TUB: variants seen among roughly 807,000 people sequenced by gnomAD.
TUB encodes the protein TUB bipartite transcription factor.
In TUB, 33 loss-of-function variants were observed where a neutral mutation model predicts 59.7. That is an observed-to-expected ratio of 0.55 (90% CI 0.42 to 0.74). The LOEUF (loss-of-function observed/expected upper bound fraction) is 0.74, where lower values mean the gene tolerates loss of function less well. TUB is among the 30% of genes least tolerant of loss of function. The pLI is 0.00. For synonymous variants in TUB, 293 were observed against 256.4 expected, an observed-to-expected ratio of 1.14 and a Z score of -1.36; for missense variants, 659 against 672.0, an observed-to-expected ratio of 0.98 and a Z score of 0.21.
Position 8,038,775 on chromosome 11 carries a change from A to G in TUB, c.-99A>G, listed in dbSNP as rs948297954. 3.3e-5 allele frequency: 50 copies of G among 1,523,188 alleles called. No homozygotes were observed. In the East Asian group the frequency reaches 1.1e-3, roughly 33 times the overall value. The allele number at this position is 1,523,188 out of a possible 1,614,324, so 94.4% of individuals were successfully genotyped here. A position where few individuals can be genotyped will look rare whatever the true frequency, so the allele number is the denominator to read the frequency against. ...AGGGAGACATCCAAGTGCTGGTTTCAGTACTGAGGCGAATACAGGGAATTT... is the reference window on the plus strand; with the variant it reads ...AGGGAGACATCCAAGTGCTGGTTTCGGTACTGAGGCGAATACAGGGAATTT... On this transcript the variant is annotated 5_prime_UTR_variant, in exon 1 of 13. Coordinates refer to the TUB transcript ENST00000305253.
chr11:8,101,790 A>AG lies in TUB; in HGVS notation c.*171_*172insG. On this transcript the variant is annotated 3_prime_UTR_variant, in exon 12 of 12. Coordinates refer to ENST00000299506, the MANE Select transcript of TUB (RefSeq NM_177972.3). ...AGGAACTGGCTCCTTTGCCTCTGCT[A>AG]CTGAGGCAGGGGAGTAGTGGAGAGC... 4.7e-5 allele frequency: 55 copies of AG among 1,182,706 alleles called. No individual in the cohort carries two copies. Among genetic ancestry groups the AG allele is most frequent in the Non-Finnish European group, 5.9e-5 (51 of 871,650 alleles). 73.3% of individuals were successfully genotyped at this position (1,182,706 alleles called of 1,614,324 possible).
chr11:8,034,895 C>T (rs533847865), upstream of TUB, among the ~76,000 whole-genome samples: 1 of 152,342 alleles, frequency 6.6e-6, no homozygotes, highest in Non-Finnish European at 1.5e-5. Context: ...TCCCCAGCAG[C>T]AATATTCATG....
intron 2 of TUB, among the ~76,000 whole-genome samples, chr11:8,065,941 C>T (rs565621576): frequency 1.3e-5 from 2 of 152,256 alleles, no homozygotes; most frequent in East Asian, 3.9e-4. Context: ...TGGTTGCAGA[C>T]ACTCCTCTTG....
intron 2 of TUB, among the ~76,000 whole-genome samples, chr11:8,057,082 G>A (rs1943031887): frequency 6.6e-6 from 1 of 152,162 alleles, no homozygotes; most frequent in African/African-American, 2.4e-5. Context: ...GCTAGGCTCT[G>A]GAGGGCTGGG....
Position 8,081,467 on chromosome 11 carries a change from C to G in TUB, c.-44C>G. ...GGGCCCCCGCGCCGGCCCCTCCGGGCCCCGGCCTCCAGAGCCGCAGCCACC... is the reference window on the plus strand; with the variant it reads ...GGGCCCCCGCGCCGGCCCCTCCGGGGCCCGGCCTCCAGAGCCGCAGCCACC... On this transcript the variant is annotated 5_prime_UTR_variant, in exon 1 of 12. Transcript: ENST00000299506. The G allele has an allele frequency of 1.4e-6, 2 of 1,436,248 alleles. No homozygotes were observed. Among genetic ancestry groups the G allele is most frequent in the South Asian group, 1.4e-5 (1 of 72,312 alleles). 89.0% of individuals were successfully genotyped at this position (1,436,248 alleles called of 1,614,324 possible).
intron 1 of TUB, chr11:8,039,056 C>G (rs1349190911): frequency 1.9e-6 from 3 of 1,607,984 alleles, no homozygotes; most frequent in African/African-American, 1.3e-5. Context: ...TGCCTTTAGC[C>G]CATGGGCCCA....
At chr11:8,065,293 C>A (rs1443008144) in intron 2 of TUB, among the ~76,000 whole-genome samples, 6 of 152,166 alleles carry the variant, frequency 3.9e-5, no homozygotes, top group African/African-American at 1.4e-4. Flanking sequence ...CTGGCCTGCT[C>A]CCCATGGGGC....
At position 8,081,307 on chromosome 11, in the gene TUB, T is replaced by TCTCGC; in HGVS notation, c.-197_-193dup. 5 of 937,546 alleles carry TCTCGC rather than the reference T, an allele frequency of 5.3e-6. No individual in the cohort carries two copies. Among genetic ancestry groups the TCTCGC allele is most frequent in the Non-Finnish European group, 6.4e-6 (5 of 786,630 alleles). 58.1% of individuals were successfully genotyped at this position (937,546 alleles called of 1,614,324 possible). A position where few individuals can be genotyped will look rare whatever the true frequency, so the allele number is the denominator to read the frequency against. On this transcript the variant is annotated 5_prime_UTR_variant, in exon 1 of 12. Coordinates refer to ENST00000299506, the MANE Select transcript of TUB (RefSeq NM_177972.3). ...CCGCGCACTCCCGGAGCTTCGCCCATCTCGCCTCGCCGCGCCGCGCAGGCA... is the reference window on the plus strand; with the variant it reads ...CCGCGCACTCCCGGAGCTTCGCCCATCTCGCCTCGCCTCGCCGCGCCGCGCAGGCA...
intron 2 of TUB, among the ~76,000 whole-genome samples, chr11:8,058,235 A>AG (rs999846589): frequency 1.1e-4 from 17 of 151,778 alleles, no homozygotes; most frequent in Admixed American, 5.3e-4. Flanking sequence ...AAAAAAAAAA[A>AG]AAGAAGCGGT....
At chr11:8,026,573 T>A (rs189598280) in intron 1 of TUB, among the ~76,000 whole-genome samples, 72 of 152,296 alleles carry the variant, frequency 4.7e-4, no homozygotes, top group Non-Finnish European at 9.0e-4. Flanking sequence ...GAAAATCAGT[T>A]GATTATTGTT....
intron 2 of TUB, among the ~76,000 whole-genome samples, chr11:8,063,178 G>C (rs1237997700): frequency 1.3e-5 from 2 of 152,194 alleles, no homozygotes; most frequent in Admixed American, 6.5e-5. Context: ...CTCCTGCATA[G>C]ACACGAGGAA....
intron 3 of TUB, 37 bp from the exon 4 acceptor site, chr11:8,094,009 G>T: frequency 6.2e-7 from 1 of 1,613,892 alleles, no homozygotes; most frequent in Non-Finnish European, 8.5e-7. Flanking sequence ...CCCACTGCCT[G>T]TTTCTCTCTC....
At chr11:8,042,412 A>C (rs1398989274) in intron 2 of TUB, among the ~76,000 whole-genome samples, 1 of 152,138 alleles carries the variant, frequency 6.6e-6, no homozygotes, top group Admixed American at 6.5e-5. Context: ...CATTTTAGCT[A>C]TTATAAATAA....
intron 1 of TUB, among the ~76,000 whole-genome samples, chr11:8,082,123 C>G (rs1414865483): frequency 2.0e-5 from 3 of 152,238 alleles, no homozygotes; most frequent in Non-Finnish European, 4.4e-5. Context: ...CCTCCTGTAT[C>G]TGGAGAATAA....
At chr11:8,031,893 G>A (rs963672662) in intron 1 of TUB, among the ~76,000 whole-genome samples, 4 of 152,178 alleles carry the variant, frequency 2.6e-5, no homozygotes, top group East Asian at 1.9e-4. Flanking sequence ...TTACTCCCCC[G>A]CCCCCCTCGG....
At chr11:8,047,902 G>A (rs1468942956) in intron 2 of TUB, among the ~76,000 whole-genome samples, 1 of 152,188 alleles carries the variant, frequency 6.6e-6, no homozygotes, top group Non-Finnish European at 1.5e-5. Flanking sequence ...TGACTGTGAT[G>A]TGCCACCATG....
intron 2 of TUB, among the ~76,000 whole-genome samples, chr11:8,045,899 C>A (rs770235668): frequency 5.9e-5 from 9 of 152,150 alleles, no homozygotes; most frequent in Non-Finnish European, 1.2e-4. Flanking sequence ...TCTGCTCGGA[C>A]TGGTGGGAAC....
At chr11:8,039,448 T>TGCCTGCCTGCCA (rs1942706760) in intron 1 of TUB, 1 of 474,942 alleles carries the variant, frequency 2.1e-6, no homozygotes. Context: ...CCTGCCTGCC[T>TGCCTGCCTGCCA]GCCATCCGGG....
intron 2 of TUB, chr11:8,060,186 G>A (rs549612335): frequency 6.6e-6 from 1 of 152,608 alleles, no homozygotes; most frequent in African/African-American, 2.4e-5. Context: ...CCATGGATAG[G>A]TGGGAAAGCC....
Sources: allele counts gnomAD v4.1 joint callset (sites outside exome capture counted in the v4.1 genomes callset), GRCh38; gene constraint gnomAD v4.1.1; transcripts MANE v1.5; gene names NCBI Gene and HGNC (gene_info 2026-07-23, HGNC 2026-07-21).